The following BLM variants were observed in gnomAD, a reference collection of about 807,000 sequenced individuals.
The protein encoded by BLM is recQ-like DNA helicase BLM.
A neutral mutation model predicts 135.3 loss-of-function variants in BLM; 95 were observed. That is an observed-to-expected ratio of 0.70 (90% CI 0.59 to 0.83). BLM has a LOEUF of 0.83. BLM is among the 40% of genes least tolerant of loss of function. BLM has a pLI of 0.00. For synonymous variants in BLM, 520 were observed against 589.2 expected, an observed-to-expected ratio of 0.88 and a Z score of 1.70; for missense variants, 1,518 against 1,663.9, an observed-to-expected ratio of 0.91 and a Z score of 1.53.
At chr15:90,750,515 C>T (rs1335579833) in intron 3 of BLM, among the ~76,000 whole-genome samples, 1 of 152,146 alleles carries the variant, frequency 6.6e-6, no homozygotes, top group Admixed American at 6.5e-5. Flanking sequence ...CAGATCAGGT[C>T]GGGGCAAGAT....
intron 12 of BLM, among the ~76,000 whole-genome samples, chr15:90,770,341 A>AT (rs1484702587): frequency 2.0e-5 from 3 of 151,650 alleles, no homozygotes; most frequent in African/African-American, 7.3e-5. Flanking sequence ...CGCCAGGCTA[A>AT]TTTTTTTTGT....
At chr15:90,784,561 C>T (rs1268156305) in intron 13 of BLM, among the ~76,000 whole-genome samples, 4 of 151,708 alleles carry the variant, frequency 2.6e-5, no homozygotes, top group African/African-American at 9.7e-5. Context: ...GTCTCGAACT[C>T]CCGACCTCAA....
intron 7 of BLM, 51 bp from the exon 8 acceptor site, chr15:90,762,915 C>A: frequency 1.3e-6 from 2 of 1,527,098 alleles, no homozygotes; most frequent in Non-Finnish European, 1.8e-6. Flanking sequence ...TAAAGCTGTA[C>A]TTTCACTGTA....
rs771767745 is a variant in BLM at position 90,798,217 on chromosome 15, G to A, written c.3238G>A (p.Asp1080Asn). 63 of 1,608,478 alleles carry A rather than the reference G, an allele frequency of 3.9e-5. No individual in the cohort carries two copies. The highest frequency in any genetic ancestry group is 5.1e-5 in the Non-Finnish European group (60 of 1,175,684). ...KDYKTRDVTD[D>N]VKSIVRFVQE... ...TTATAAAACAAGAGATGTGACTGAC[G>A]ATGTGAAAAGTATTGTAAGATTTGT... Residue 1080 changes from aspartate to asparagine, a missense_variant, in exon 17 of 22, where the codon GAT becomes AAT. Asp to Asn is a conservative substitution (Grantham distance 23). Transcript: ENST00000355112.
chr15:90,747,570 C>A, intron 2 of BLM, 80 bp downstream of exon 2: 5 of 898,396 alleles, frequency 5.6e-6, no homozygotes, highest in Non-Finnish European at 7.2e-6. Flanking sequence ...TCTTTAAACT[C>A]CCCCATTGTA....
At chr15:90,726,332 A>C (rs1428693264) in intron 1 of BLM, among the ~76,000 whole-genome samples, 5 of 152,108 alleles carry the variant, frequency 3.3e-5, no homozygotes, top group Non-Finnish European at 1.5e-5. Flanking sequence ...GCAATGGCAC[A>C]ATCTTGGCTC....
chr15:90,763,584 T>A (rs1896044140), intron 8 of BLM, among the ~76,000 whole-genome samples: 1 of 152,204 alleles, frequency 6.6e-6, no homozygotes. Context: ...GGCCTGGACT[T>A]AAAGAACAGC....
intron 1 of BLM, among the ~76,000 whole-genome samples, chr15:90,734,742 C>G (rs1345152247): frequency 4.0e-4 from 60 of 148,572 alleles, no homozygotes; most frequent in Non-Finnish European, 1.5e-4. Flanking sequence ...GACTTTATTC[C>G]TAAATCCTGT....
chr15:90,755,122 A>G, intron 5 of BLM, 184 bp downstream of exon 5: 1 of 696,982 alleles, frequency 1.4e-6, no homozygotes, highest in Non-Finnish European at 2.3e-6. Flanking sequence ...CAACTCATGA[A>G]CTCATGCTCT....
chr15:90,811,177 T>G, intron 20 of BLM, 28 bp from the exon 21 acceptor site: 1 of 1,611,060 alleles, frequency 6.2e-7, no homozygotes, highest in Non-Finnish European at 8.5e-7. Flanking sequence ...CGACATCACC[T>G]GTAAACATCT....
At chr15:90,812,378 A>T (rs11637590) in intron 21 of BLM, among the ~76,000 whole-genome samples, 2,410 of 152,286 alleles carry the variant, frequency 0.016, 39 homozygotes, top group Middle Eastern at 0.048. Flanking sequence ...CGTCTGGGAC[A>T]TGTCTGTTCT....
chr15:90,763,004 C>G lies in BLM; in HGVS notation c.1921C>G (p.His641Asp). The G allele has an allele frequency of 1.2e-6, 2 of 1,613,556 alleles. No homozygotes were observed. Among genetic ancestry groups the G allele is most frequent in the Non-Finnish European group, 1.7e-6 (2 of 1,179,870 alleles). The change falls in exon 8 of 22, where the codon CAT becomes GAT. Residue 641 changes from histidine (H) to aspartate (D), a missense_variant. Transcript: ENST00000355112. The stretch of plus-strand genomic sequence containing the variant: ...AAATTTAGCATCCAGAAATCTGAAA[C>G]ATGAGCGTTTCCAAAGTCTTAGTTT... ...AQNLASRNLK[H>D]ERFQSLSFPH...
intron 13 of BLM, among the ~76,000 whole-genome samples, chr15:90,783,193 C>T (rs1407716031): frequency 6.6e-6 from 1 of 152,102 alleles, no homozygotes; most frequent in African/African-American, 2.4e-5. Flanking sequence ...AATGTCTTTC[C>T]TCAGGCTTCT....
At chr15:90,806,182 C>T (rs1043008965) in intron 19 of BLM, among the ~76,000 whole-genome samples, 2 of 152,090 alleles carry the variant, frequency 1.3e-5, no homozygotes, top group African/African-American at 2.4e-5. Context: ...TAGTTGGCAT[C>T]TTAGATCCAA....
intron 1 of BLM, among the ~76,000 whole-genome samples, chr15:90,746,332 A>T (rs1895501659): frequency 6.6e-6 from 1 of 152,294 alleles, no homozygotes; most frequent in East Asian, 1.9e-4. Context: ...AGTGTGAATT[A>T]TTCAATGTTT....
At chr15:90,761,340 T>C (rs1895983309) in intron 7 of BLM, 85 bp downstream of exon 7, 1 of 1,053,846 alleles carries the variant, frequency 9.5e-7, no homozygotes, top group Non-Finnish European at 1.3e-6. Context: ...TAGCAAATCA[T>C]CATTGCCTGA....
chr15:90,770,341 AT>A (rs1484702587), intron 12 of BLM, among the ~76,000 whole-genome samples: 4 of 151,650 alleles, frequency 2.6e-5, no homozygotes, highest in African/African-American at 7.3e-5. Context: ...CGCCAGGCTA[AT>A]TTTTTTTGTA....
At chr15:90,783,903 A>G (rs1386149399) in intron 13 of BLM, among the ~76,000 whole-genome samples, 1 of 152,232 alleles carries the variant, frequency 6.6e-6, no homozygotes, top group Non-Finnish European at 1.5e-5. Context: ...AACAAAAAAG[A>G]AAATTTAGAA....
At position 90,782,913 on chromosome 15, in the gene BLM, A is replaced by C. The variant is rs1035944262; in HGVS notation, c.2647A>C (p.Arg883=). The C allele has an allele frequency of 6.2e-7, 1 of 1,611,414 alleles. No individual in the cohort carries two copies. Among genetic ancestry groups the C allele is most frequent in the African/African-American group, 1.3e-5 (1 of 74,884 alleles). The change falls in exon 13 of 22, where the codon AGA becomes CGA. Residue 883 remains arginine (R), a synonymous_variant. Transcript: ENST00000355112. ...GGCATTTGATTGCCTAGAATGGATC[A>C]GAAAGCACCACCCATGTGAGTACAG... ...KVAFDCLEWI[R]KHHPYDSGII... is the part of the protein sequence containing the mutation.
Sources: allele counts gnomAD v4.1 joint callset (sites outside exome capture counted in the v4.1 genomes callset), GRCh38; gene constraint gnomAD v4.1.1; transcripts MANE v1.5; gene names NCBI Gene and HGNC (gene_info 2026-07-23, HGNC 2026-07-21).